The following RPRD1B variants were observed in gnomAD, a reference collection of about 807,000 sequenced individuals.
RPRD1B encodes the protein regulation of nuclear pre-mRNA domain-containing protein 1B.
In RPRD1B, 11 loss-of-function variants were observed where a neutral mutation model predicts 41.5. The observed-to-expected ratio is 0.27, with a 90% CI of 0.17 to 0.44. The LOEUF (loss-of-function observed/expected upper bound fraction) is 0.44. Among genes scored for constraint, RPRD1B ranks in the 20% least tolerant of loss-of-function variants. The pLI is 1.00. For missense variants in RPRD1B, 248 were observed against 389.9 expected, an observed-to-expected ratio of 0.64 and a Z score of 3.06; for synonymous variants, 158 against 155.6, an observed-to-expected ratio of 1.02 and a Z score of -0.12.
At chr20:38,065,053 G>T (rs868684619) in intron 5 of RPRD1B, among the ~76,000 whole-genome samples, 1 of 151,696 alleles carries the variant, frequency 6.6e-6, no homozygotes, top group Non-Finnish European at 1.5e-5. Context: ...TTTATGAAAC[G>T]CTGCTTTCAT....
chr20:38,052,321 A>G (rs2074193660), intron 3 of RPRD1B, among the ~76,000 whole-genome samples: 1 of 152,114 alleles, frequency 6.6e-6, no homozygotes, highest in African/African-American at 2.4e-5. Flanking sequence ...TCAGTCCCCC[A>G]GTTTTTGTGC....
intron 1 of RPRD1B, among the ~76,000 whole-genome samples, chr20:38,034,411 C>T (rs1248763337): frequency 1.3e-5 from 2 of 152,180 alleles, no homozygotes; most frequent in Non-Finnish European, 2.9e-5. Context: ...GCCGTACTGG[C>T]CCTAGCATGT....
chr20:38,059,056 T>C (rs1329598092), intron 4 of RPRD1B, among the ~76,000 whole-genome samples: 2 of 152,156 alleles, frequency 1.3e-5, no homozygotes, highest in Non-Finnish European at 2.9e-5. Flanking sequence ...ACCTTTATTC[T>C]ATACTGGAAA....
intron 6 of RPRD1B, among the ~76,000 whole-genome samples, chr20:38,084,414 A>G (rs2074542411): frequency 6.6e-6 from 1 of 152,220 alleles, no homozygotes; most frequent in East Asian, 1.9e-4. Context: ...CTTAGCAAGA[A>G]GGAAAATAGG....
intron 2 of RPRD1B, 79 bp downstream of exon 2, chr20:38,040,643 C>T: frequency 6.8e-7 from 1 of 1,465,480 alleles, no homozygotes; most frequent in South Asian, 1.3e-5. Context: ...TCTGTGATAG[C>T]CTTTGTAAAT....
At chr20:38,036,676 A>G (rs921447306) in intron 1 of RPRD1B, among the ~76,000 whole-genome samples, 5 of 152,212 alleles carry the variant, frequency 3.3e-5, no homozygotes, top group African/African-American at 7.2e-5. Flanking sequence ...ACAACTTTCT[A>G]TGATAGCAGC....
chr20:38,048,497 C>T lies in RPRD1B; in HGVS notation c.415+16C>T, dbSNP rs748323966. 7.5e-6 allele frequency: 12 copies of T among 1,593,250 alleles called. No homozygotes were observed. The highest frequency in any genetic ancestry group is 6.7e-5 in the South Asian group (6 of 89,472). On this transcript the variant is annotated intron_variant, in intron 3 of 6. Transcript: ENST00000373433. Reference sequence around the variant, plus strand: ...CCCCCCAAAGGTAGAAACATCACCACATGTTTACAGCTCTTGGTCTTTGCC... The same window carrying T: ...CCCCCCAAAGGTAGAAACATCACCATATGTTTACAGCTCTTGGTCTTTGCC...
At chr20:38,072,260 T>G (rs1305154092) in intron 6 of RPRD1B, among the ~76,000 whole-genome samples, 1 of 152,206 alleles carries the variant, frequency 6.6e-6, no homozygotes, top group Non-Finnish European at 1.5e-5. Context: ...CCCAGCACCA[T>G]TTGTTGAAGA....
At chr20:38,054,368 C>T (rs1016066488) in intron 3 of RPRD1B, among the ~76,000 whole-genome samples, 1 of 152,144 alleles carries the variant, frequency 6.6e-6, no homozygotes, top group South Asian at 2.1e-4. Flanking sequence ...TGGTTAACAC[C>T]TATTGTGCCC....
At chr20:38,064,087 A>G (rs1405280654) in intron 5 of RPRD1B, among the ~76,000 whole-genome samples, 3 of 152,138 alleles carry the variant, frequency 2.0e-5, no homozygotes, top group Admixed American at 2.0e-4. Context: ...AACCAACCTA[A>G]CCACCCCAGG....
At chr20:38,055,928 A>C (rs1235140035) in intron 3 of RPRD1B, among the ~76,000 whole-genome samples, 2 of 152,220 alleles carry the variant, frequency 1.3e-5, no homozygotes, top group African/African-American at 4.8e-5. Flanking sequence ...TCAAGAGTTA[A>C]TATGCCATGG....
intron 3 of RPRD1B, among the ~76,000 whole-genome samples, chr20:38,049,374 T>TC (rs992941020): frequency 7.3e-6 from 1 of 136,730 alleles, no homozygotes; most frequent in Non-Finnish European, 1.6e-5. Flanking sequence ...TTTCTTTTTT[T>TC]TTTTTTTTTT....
chr20:38,091,632 T>C lies in RPRD1B; in HGVS notation c.*1757T>C. On this transcript the variant is annotated 3_prime_UTR_variant, in exon 7 of 7. Coordinates refer to ENST00000373433, the MANE Select transcript of RPRD1B (RefSeq NM_021215.4). ...TGCTGCTGCTGCACTCCCCAACCTC[T>C]CCCCCACCCCCCGTGGTGTGCTGCT... The C allele has an allele frequency of 1.0e-6, 1 of 985,512 alleles. No individual in the cohort carries two copies. Among genetic ancestry groups the C allele is most frequent in the Non-Finnish European group, 1.2e-6 (1 of 830,108 alleles). The allele number at this position is 985,512 out of a possible 1,614,324, so 61.0% of individuals were successfully genotyped here.
intron 6 of RPRD1B, among the ~76,000 whole-genome samples, chr20:38,087,221 A>G (rs1384678257): frequency 6.6e-6 from 1 of 152,206 alleles, no homozygotes; most frequent in Non-Finnish European, 1.5e-5. Context: ...CGGCCTCCCA[A>G]AGTGCTGGGA....
intron 3 of RPRD1B, among the ~76,000 whole-genome samples, chr20:38,054,602 A>G (rs1341239245): frequency 1.3e-5 from 2 of 152,218 alleles, no homozygotes; most frequent in African/African-American, 2.4e-5. Flanking sequence ...TGGGGGAAAC[A>G]AAGGCATGGG....
intron 6 of RPRD1B, among the ~76,000 whole-genome samples, chr20:38,081,481 A>G (rs148746730): frequency 6.6e-6 from 1 of 152,332 alleles, no homozygotes; most frequent in African/African-American, 2.4e-5. Context: ...TAGCTATGGA[A>G]TCATATAGCC....
At chr20:38,054,725 G>T (rs1370554542) in intron 3 of RPRD1B, among the ~76,000 whole-genome samples, 1 of 152,220 alleles carries the variant, frequency 6.6e-6, no homozygotes, top group Non-Finnish European at 1.5e-5. Flanking sequence ...AGGATTTCAA[G>T]TTTTGTAATT....
At chr20:38,046,677 G>C (rs2122703901) in intron 2 of RPRD1B, among the ~76,000 whole-genome samples, 1 of 152,272 alleles carries the variant, frequency 6.6e-6, no homozygotes, top group East Asian at 1.9e-4. Flanking sequence ...GGCCACATGG[G>C]GAATGTGGTT....
intron 6 of RPRD1B, among the ~76,000 whole-genome samples, chr20:38,066,665 T>G (rs2074360003): frequency 6.6e-6 from 1 of 152,190 alleles, no homozygotes; most frequent in Non-Finnish European, 1.5e-5. Context: ...TTTATTTCTT[T>G]TTTTTTTTGA....
Sources: gnomAD v4.1 joint callset for allele counts (sites outside exome capture counted in the v4.1 genomes callset) on GRCh38, gnomAD v4.1.1 for gene constraint, MANE v1.5 for transcripts, NCBI Gene and HGNC (gene_info 2026-07-23, HGNC 2026-07-21) for gene names.